RBFOX1: variants seen among roughly 807,000 people sequenced by gnomAD.
RBFOX1 encodes the protein RNA binding protein fox-1 homolog 1.
A neutral mutation model predicts 57.7 loss-of-function variants in RBFOX1; 8 were observed. That is an observed-to-expected ratio of 0.14 (90% confidence interval 0.08 to 0.25). The LOEUF (loss-of-function observed/expected upper bound fraction) is 0.25. Ranked by LOEUF, RBFOX1 falls within the 10% of genes least tolerant of loss-of-function variation. RBFOX1 has a pLI of 1.00. For synonymous variants in RBFOX1, 326 were observed against 222.4 expected, an observed-to-expected ratio of 1.47 and a Z score of -4.15; for missense variants, 611 against 548.5, an observed-to-expected ratio of 1.11 and a Z score of -1.14.
intron 4 of RBFOX1, among the ~76,000 whole-genome samples, chr16:5,942,358 C>G (rs1215081003): frequency 6.6e-6 from 1 of 152,154 alleles, no homozygotes; most frequent in East Asian, 1.9e-4. Context: ...GAGTCTGCTT[C>G]TGGGTGAGAG....
chr16:6,518,676 C>T (rs554944333), intron 2 of RBFOX1, among the ~76,000 whole-genome samples: 2 of 152,136 alleles, frequency 1.3e-5, no homozygotes, highest in South Asian at 4.2e-4. Context: ...AGTAACTGCC[C>T]TTTGAATTTT....
intron 3 of RBFOX1, among the ~76,000 whole-genome samples, chr16:6,835,970 A>G (rs1374626325): frequency 6.6e-6 from 1 of 152,088 alleles, no homozygotes; most frequent in Non-Finnish European, 1.5e-5. Flanking sequence ...CCATCTGCCA[A>G]AAGTGTCATC....
intron 1 of RBFOX1, among the ~76,000 whole-genome samples, chr16:6,208,201 T>C (rs74763271): frequency 0.02 from 2,984 of 152,218 alleles, 58 homozygotes; most frequent in South Asian, 0.046. Flanking sequence ...TGTAAAACTA[T>C]AAGTTTAAAA....
intron 3 of RBFOX1, among the ~76,000 whole-genome samples, chr16:6,824,316 G>T (rs1265118974): frequency 1.3e-5 from 2 of 152,152 alleles, no homozygotes; most frequent in Non-Finnish European, 2.9e-5. Context: ...TGCGGTAGGA[G>T]AGTCACTTGA....
intron 3 of RBFOX1, among the ~76,000 whole-genome samples, chr16:6,838,058 C>T (rs572346809): frequency 3.6e-4 from 54 of 151,362 alleles, no homozygotes; most frequent in African/African-American, 1.2e-3. Flanking sequence ...ATGTGCAGAA[C>T]ATGCAGGTTT....
intron 14 of RBFOX1, 25 bp downstream of exon 14, chr16:7,676,863 G>GACA: frequency 6.3e-7 from 1 of 1,588,466 alleles, no homozygotes; most frequent in Non-Finnish European, 8.6e-7. Flanking sequence ...TCTTGTGCTT[G>GACA]ACAACTACTT....
At chr16:7,477,293 C>A (rs1003904673) in intron 4 of RBFOX1, among the ~76,000 whole-genome samples, 6 of 152,136 alleles carry the variant, frequency 3.9e-5, no homozygotes, top group African/African-American at 1.2e-4. Context: ...TTATTTCTTC[C>A]TGAAATACAT....
chr16:6,446,143 C>G (rs1376387569), intron 2 of RBFOX1, among the ~76,000 whole-genome samples: 2 of 152,010 alleles, frequency 1.3e-5, no homozygotes, highest in Non-Finnish European at 1.5e-5. Context: ...AATTTAAAAA[C>G]TGATTTTAAT....
intron 3 of RBFOX1, among the ~76,000 whole-genome samples, chr16:5,826,430 C>G (rs1177312838): frequency 6.6e-6 from 1 of 152,120 alleles, no homozygotes; most frequent in Admixed American, 6.6e-5. Flanking sequence ...AGGTGGCAAA[C>G]TATTTCTGAA....
intron 3 of RBFOX1, among the ~76,000 whole-genome samples, chr16:6,892,978 T>C (rs2065887835): frequency 6.6e-6 from 1 of 152,160 alleles, no homozygotes; most frequent in Non-Finnish European, 1.5e-5. Context: ...CTAGTTTTAC[T>C]TTTAATTGCA....
chr16:7,419,072 T>G (rs1484826650), intron 4 of RBFOX1, among the ~76,000 whole-genome samples: 4 of 151,780 alleles, frequency 2.6e-5, no homozygotes, highest in African/African-American at 9.7e-5. Flanking sequence ...GCCCAGATAG[T>G]TTTTTTTGTA....
chr16:5,705,647 G>A (rs916721662), intron 3 of RBFOX1, among the ~76,000 whole-genome samples: 4 of 152,180 alleles, frequency 2.6e-5, no homozygotes, highest in African/African-American at 9.7e-5. Flanking sequence ...GGACCATTAA[G>A]TGACTGAGCA....
intron 2 of RBFOX1, among the ~76,000 whole-genome samples, chr16:6,557,934 C>T (rs948034913): frequency 6.6e-6 from 1 of 152,072 alleles, no homozygotes; most frequent in Non-Finnish European, 1.5e-5. Flanking sequence ...TATGGCATGC[C>T]CAACTCATCT....
rs116994945 is a variant in RBFOX1 at position 6,648,373 on chromosome 16, G to A, written c.-63-6230G>A. On this transcript the variant is annotated intron_variant, in intron 2 of 15. Coordinates refer to ENST00000550418, the MANE Select transcript of RBFOX1 (RefSeq NM_018723.4). ...ATTTTAACTGGCTCCCAGGGGCATC[G>A]TACTTGCTGGGGTTGCAGACTCCAC... is the stretch of plus-strand genomic sequence containing the variant. Among the ~76,000 whole-genome samples the A allele has an allele frequency of 3.9e-3, 568 of 144,276 alleles. 3 individuals carry two copies. The highest frequency in any genetic ancestry group is 0.011 in the Middle Eastern group (3 of 284). 94.7% of individuals were successfully genotyped at this position (144,276 alleles called of 152,430 possible). A position where few individuals can be genotyped will look rare whatever the true frequency, so the allele number is the denominator to read the frequency against.
chr16:6,347,661 G>A (rs947480371), intron 2 of RBFOX1, among the ~76,000 whole-genome samples: 4 of 152,172 alleles, frequency 2.6e-5, no homozygotes, highest in Non-Finnish European at 2.9e-5. Flanking sequence ...GAAACAAAAT[G>A]TCCCTGTATA....
At chr16:6,773,347 G>A (rs1438701685) in intron 3 of RBFOX1, among the ~76,000 whole-genome samples, 1 of 145,054 alleles carries the variant, frequency 6.9e-6, no homozygotes, top group African/African-American at 2.6e-5. Context: ...ATGTGTATGT[G>A]TGGATATGGG....
intron 3 of RBFOX1, among the ~76,000 whole-genome samples, chr16:5,714,112 A>G (rs1461550056): frequency 1.3e-5 from 2 of 152,216 alleles, no homozygotes. Flanking sequence ...GCTAGGGACT[A>G]TCTTGCATTT....
At chr16:6,556,082 T>C (rs2097094275) in intron 2 of RBFOX1, among the ~76,000 whole-genome samples, 1 of 152,200 alleles carries the variant, frequency 6.6e-6, no homozygotes, top group African/African-American at 2.4e-5. Flanking sequence ...TTCAGAATTA[T>C]AATTTAAATC....
intron 4 of RBFOX1, among the ~76,000 whole-genome samples, chr16:7,370,658 C>G (rs1430846192): frequency 1.3e-5 from 2 of 152,178 alleles, no homozygotes; most frequent in African/African-American, 4.8e-5. Flanking sequence ...GTGCCATCCG[C>G]TATGATCTGA....
Sources: gnomAD v4.1 joint callset for allele counts (sites outside exome capture counted in the v4.1 genomes callset) on GRCh38, gnomAD v4.1.1 for gene constraint, MANE v1.5 for transcripts, NCBI Gene and HGNC (gene_info 2026-07-23, HGNC 2026-07-21) for gene names.